The following SLC9C1 variants were observed in gnomAD, a reference collection of about 807,000 sequenced individuals.
SLC9C1 encodes the protein solute carrier family 9 member C1, also known as sodium/hydrogen exchanger 10.
A neutral mutation model predicts 140.9 loss-of-function variants in SLC9C1; 97 were observed. The ratio of observed to expected loss-of-function variants is 0.69; its 90% CI spans 0.58 to 0.82. The LOEUF (loss-of-function observed/expected upper bound fraction) is 0.82. Among genes scored for constraint, SLC9C1 ranks in the 40% least tolerant of loss-of-function variants. SLC9C1 has a pLI of 0.00. For synonymous variants in SLC9C1, 440 were observed against 442.6 expected (o/e 0.99, Z 0.07); for missense variants, 1,340 against 1,389.3 (o/e 0.96, Z 0.56).
intron 20 of SLC9C1, among the ~76,000 whole-genome samples, chr3:112,188,944 T>A (rs2077593604): frequency 6.6e-6 from 1 of 152,262 alleles, no homozygotes; most frequent in South Asian, 2.1e-4. Flanking sequence ...TGTGAGATGT[T>A]ATCTCACTGT....
At chr3:112,179,288 T>TA (rs1209748711) in intron 23 of SLC9C1, among the ~76,000 whole-genome samples, 8 of 152,172 alleles carry the variant, frequency 5.3e-5, no homozygotes, top group Non-Finnish European at 8.8e-5. Context: ...ATGAAAGAGC[T>TA]TATATTGCCA....
intron 23 of SLC9C1, among the ~76,000 whole-genome samples, chr3:112,169,747 G>GT (rs1490847426): frequency 6.6e-6 from 1 of 152,056 alleles, no homozygotes; most frequent in Admixed American, 6.6e-5. Flanking sequence ...TTTTAGGATA[G>GT]TTTTTTCCAA....
chr3:112,219,524 A>C (rs2078480699), intron 14 of SLC9C1, among the ~76,000 whole-genome samples: 1 of 152,092 alleles, frequency 6.6e-6, no homozygotes, highest in South Asian at 2.1e-4. Context: ...GCCTTTGGGG[A>C]ACATTTAAAG....
chr3:112,267,682 A>C (rs1021551082), intron 7 of SLC9C1, among the ~76,000 whole-genome samples: 2 of 151,854 alleles, frequency 1.3e-5, no homozygotes, highest in Non-Finnish European at 1.5e-5. Context: ...AATTTAGTGA[A>C]ATTAATGCCA....
At chr3:112,167,197 A>G (rs2107912074) in intron 26 of SLC9C1, 24 bp downstream of exon 26, 1 of 1,601,642 alleles carries the variant, frequency 6.2e-7, no homozygotes, top group South Asian at 1.1e-5. Context: ...AGTTTTCACA[A>G]TTGCTGAAAG....
At chr3:112,256,905 T>C (rs2079623085) in intron 10 of SLC9C1, among the ~76,000 whole-genome samples, 1 of 152,142 alleles carries the variant, frequency 6.6e-6, no homozygotes, top group South Asian at 2.1e-4. Flanking sequence ...TCAGCATTCT[T>C]ATGCACCACC....
chr3:112,186,107 A>T, intron 20 of SLC9C1: 2 of 774,586 alleles, frequency 2.6e-6, no homozygotes, highest in Non-Finnish European at 3.9e-6. Context: ...TCTTGTTCTT[A>T]CTGATTTGTA....
rs1576502720 is a variant in SLC9C1, at chr3:112,274,974, G to C, written c.536C>G (p.Ser179Cys). ...AGTAAATGTAATTAATGATATAACA[G>C]AGGTCATCAGACTTTCTCCATTAAT... ...SLINGESLMT[S>C]VISLITFTSI... The change falls in exon 6 of 29, where the codon TCT (serine) becomes TGT (cysteine). Residue 179 changes from serine to cysteine, a missense_variant. Transcript: ENST00000305815. The C allele has an allele frequency of 6.3e-7, 1 of 1,581,872 alleles. No individual in the cohort carries two copies. The highest frequency in any genetic ancestry group is 8.5e-7 in the Non-Finnish European group (1 of 1,169,990).
intron 28 of SLC9C1, among the ~76,000 whole-genome samples, chr3:112,144,904 CT>C (rs1479774300): frequency 2.6e-5 from 4 of 152,146 alleles, no homozygotes; most frequent in African/African-American, 9.7e-5. Flanking sequence ...GATAGTTTGA[CT>C]TCTTTTTCTT....
intron 6 of SLC9C1, among the ~76,000 whole-genome samples, chr3:112,271,538 T>C (rs2080078786): frequency 6.6e-6 from 1 of 152,020 alleles, no homozygotes; most frequent in African/African-American, 2.4e-5. Flanking sequence ...GTTGAAAGAG[T>C]TTATTTTCAA....
At chr3:112,168,353 AC>A (rs2077179141) in intron 25 of SLC9C1, among the ~76,000 whole-genome samples, 1 of 111,602 alleles carries the variant, frequency 9.0e-6, no homozygotes, top group Non-Finnish European at 2.0e-5. Flanking sequence ...ACACACACAC[AC>A]ACACACACAC....
intron 23 of SLC9C1, among the ~76,000 whole-genome samples, chr3:112,170,602 C>G (rs961452090): frequency 2.6e-5 from 4 of 151,982 alleles, no homozygotes; most frequent in African/African-American, 9.7e-5. Flanking sequence ...AATTATTTGA[C>G]CTTTTTAGAT....
At chr3:112,216,609 C>T (rs372263457) in intron 15 of SLC9C1, among the ~76,000 whole-genome samples, 2 of 152,172 alleles carry the variant, frequency 1.3e-5, no homozygotes, top group East Asian at 3.9e-4. Flanking sequence ...TGAAAAAATG[C>T]TCATCATCAC....
intron 28 of SLC9C1, among the ~76,000 whole-genome samples, chr3:112,148,941 G>C (rs1467950605): frequency 1.3e-5 from 2 of 152,024 alleles, no homozygotes; most frequent in Admixed American, 1.3e-4. Flanking sequence ...CACAGGGATG[G>C]GGGCAGCCTA....
Position 112,240,006 on chromosome 3 carries a change from C to G in SLC9C1, c.1280G>C (p.Gly427Ala), listed in dbSNP as rs752212987. The change falls in exon 12 of 29, where the codon GGT becomes GCT. Residue 427 changes from glycine to alanine, a missense_variant and splice_region_variant. Transcript: ENST00000305815. ...FILPVAVTIL[G>A]LRDATSTKYK... ...TTTTGTTGATGTGGCATCACGAAGACCTTTGATACAAACACACATTTGATA... is the reference window on the plus strand; with the variant it reads ...TTTTGTTGATGTGGCATCACGAAGAGCTTTGATACAAACACACATTTGATA... 1.9e-6 allele frequency: 3 copies of G among 1,607,568 alleles called. No homozygotes were observed. The African/African-American group carries it at 4.0e-5, about 22-fold the overall frequency.
chr3:112,243,195 A>C (rs1025346888), intron 11 of SLC9C1, among the ~76,000 whole-genome samples: 1 of 152,202 alleles, frequency 6.6e-6, no homozygotes, highest in Admixed American at 6.5e-5. Context: ...ATCATTCTAC[A>C]AAAAAGATAC....
At chr3:112,157,763 A>ATTT (rs56091442) in intron 26 of SLC9C1, among the ~76,000 whole-genome samples, 27 of 148,938 alleles carry the variant, frequency 1.8e-4, no homozygotes, top group African/African-American at 6.7e-4. Context: ...ATTCCTAGGT[A>ATTT]TTTTTTTTTT....
intron 2 of SLC9C1, among the ~76,000 whole-genome samples, chr3:112,285,466 C>G (rs1015807409): frequency 2.0e-5 from 3 of 152,188 alleles, no homozygotes; most frequent in African/African-American, 7.2e-5. Flanking sequence ...GTCCTGAGCT[C>G]CTGAGCTCAA....
chr3:112,268,629 T>C (rs2079987025), intron 7 of SLC9C1, among the ~76,000 whole-genome samples: 1 of 152,238 alleles, frequency 6.6e-6, no homozygotes, highest in East Asian at 1.9e-4. Flanking sequence ...AGGGTCTTGC[T>C]GACTTTGTTT....
Sources: allele counts gnomAD v4.1 joint callset (sites outside exome capture counted in the v4.1 genomes callset), GRCh38; gene constraint gnomAD v4.1.1; transcripts MANE v1.5; gene names NCBI Gene and HGNC (gene_info 2026-07-23, HGNC 2026-07-21).